UBE2E2: variants seen among roughly 807,000 people sequenced by gnomAD.
The protein encoded by UBE2E2 is ubiquitin conjugating enzyme E2 E2.
A neutral mutation model predicts 24.7 loss-of-function variants in UBE2E2; 6 were observed. The ratio of observed to expected loss-of-function variants is 0.24; its 90% CI spans 0.13 to 0.48. The LOEUF is 0.48. Among genes scored for constraint, UBE2E2 ranks in the 20% least tolerant of loss-of-function variants. The pLI is 0.99. For synonymous variants in UBE2E2, 104 were observed against 83.6 expected (o/e 1.24, Z -1.33); for missense variants, 169 against 245.0 (o/e 0.69, Z 2.07).
intron 3 of UBE2E2, among the ~76,000 whole-genome samples, chr3:23,414,090 A>G (rs1697563643): frequency 6.6e-6 from 1 of 152,174 alleles, no homozygotes; most frequent in African/African-American, 2.4e-5. Context: ...CAGGACCCAA[A>G]TGGTAGATTA....
intron 3 of UBE2E2, among the ~76,000 whole-genome samples, chr3:23,381,669 T>G (rs1453692010): frequency 6.6e-6 from 1 of 152,234 alleles, no homozygotes; most frequent in African/African-American, 2.4e-5. Flanking sequence ...TAAAAGATAC[T>G]GTATAACATT....
chr3:23,491,877 C>T (rs1254821335), intron 3 of UBE2E2, among the ~76,000 whole-genome samples: 3 of 152,044 alleles, frequency 2.0e-5, no homozygotes, highest in South Asian at 2.1e-4. Context: ...AGAGCTGATG[C>T]GGCCAATAAT....
At chr3:23,562,238 G>A (rs948318181) in intron 5 of UBE2E2, among the ~76,000 whole-genome samples, 10 of 151,976 alleles carry the variant, frequency 6.6e-5, no homozygotes, top group African/African-American at 1.2e-4. Flanking sequence ...TTTGAGATAC[G>A]TCCCATCAAT....
intron 3 of UBE2E2, among the ~76,000 whole-genome samples, chr3:23,493,195 C>G (rs1273751562): frequency 6.6e-6 from 1 of 152,160 alleles, no homozygotes; most frequent in East Asian, 1.9e-4. Context: ...CAGCCAAAAA[C>G]TCTTGGTCTT....
chr3:23,492,811 T>C (rs1224129416), intron 3 of UBE2E2, among the ~76,000 whole-genome samples: 3 of 152,164 alleles, frequency 2.0e-5, no homozygotes, highest in East Asian at 3.8e-4. Flanking sequence ...CTTTGATTCA[T>C]GATGTAGAAA....
At position 23,507,689 on chromosome 3, in the gene UBE2E2, T is replaced by C. The variant is rs138292596; in HGVS notation, c.360+7949T>C. ...ATAGAGAAGGTTGAGGTTGCTTATA[T>C]CCCTGGAAGAAGGAATACTTGTTCC... On this transcript the variant is annotated intron_variant, in intron 4 of 5. Coordinates refer to ENST00000396703, the MANE Select transcript of UBE2E2 (RefSeq NM_152653.4). Among the ~76,000 whole-genome samples, 233 of 152,306 alleles carry C rather than the reference T, an allele frequency of 1.5e-3. 6 individuals are homozygous for C. The East Asian group carries it at 0.024, about 16-fold the overall frequency.
At chr3:23,480,351 A>G (rs1414907546) in intron 3 of UBE2E2, among the ~76,000 whole-genome samples, 1 of 152,230 alleles carries the variant, frequency 6.6e-6, no homozygotes, top group African/African-American at 2.4e-5. Flanking sequence ...GGGAACAGGT[A>G]CTTTGAAGCC....
chr3:23,460,337 A>G (rs368753476), intron 3 of UBE2E2, among the ~76,000 whole-genome samples: 8 of 152,228 alleles, frequency 5.3e-5, no homozygotes, highest in Admixed American at 6.5e-5. Context: ...CTTTTTGCCT[A>G]CCATACAGAA....
chr3:23,459,769 T>G lies in UBE2E2; in HGVS notation c.228-39839T>G, dbSNP rs549644019. Among the ~76,000 whole-genome samples the G allele has an allele frequency of 2.0e-5, 3 of 152,298 alleles. No homozygotes were observed. The South Asian group carries it at 6.2e-4, about 32-fold the overall frequency. The stretch of plus-strand genomic sequence containing the variant: ...AGAGAGCTATTTTGCCTGTCTTAAT[T>G]GCATATTCCTTAGAATTTCTGTGAT... On this transcript the variant is annotated intron_variant, in intron 3 of 5. Coordinates refer to ENST00000396703, the MANE Select transcript of UBE2E2 (RefSeq NM_152653.4).
At chr3:23,457,512 T>G (rs987659686) in intron 3 of UBE2E2, among the ~76,000 whole-genome samples, 2 of 152,212 alleles carry the variant, frequency 1.3e-5, no homozygotes, top group Admixed American at 6.5e-5. Flanking sequence ...CAGCTGCTGC[T>G]GCTTCATCTT....
intron 3 of UBE2E2, among the ~76,000 whole-genome samples, chr3:23,307,807 T>A (rs1699278198): frequency 6.6e-6 from 1 of 152,204 alleles, no homozygotes; most frequent in Admixed American, 6.5e-5. Flanking sequence ...CCTATTTTTA[T>A]TTACTTAATG....
At chr3:23,421,500 G>C (rs1031492862) in intron 3 of UBE2E2, among the ~76,000 whole-genome samples, 3 of 152,194 alleles carry the variant, frequency 2.0e-5, no homozygotes, top group Non-Finnish European at 4.4e-5. Flanking sequence ...TCTGCCTCCA[G>C]GGTGCAAACA....
chr3:23,441,786 A>T (rs1276429339), intron 3 of UBE2E2, among the ~76,000 whole-genome samples: 1 of 152,144 alleles, frequency 6.6e-6, no homozygotes, highest in Non-Finnish European at 1.5e-5. Flanking sequence ...ACTTTAGGTG[A>T]TATTATGAGC....
intron 4 of UBE2E2, among the ~76,000 whole-genome samples, chr3:23,500,635 G>A (rs1699701155): frequency 6.6e-6 from 1 of 152,194 alleles, no homozygotes; most frequent in Non-Finnish European, 1.5e-5. Flanking sequence ...GTGGGTTGGA[G>A]TAAACAATAT....
intron 3 of UBE2E2, among the ~76,000 whole-genome samples, chr3:23,281,596 C>T (rs1215401713): frequency 6.6e-6 from 1 of 152,160 alleles, no homozygotes; most frequent in Non-Finnish European, 1.5e-5. Context: ...TGTGATGGCA[C>T]CACTGCATTC....
chr3:23,225,023 G>A lies in UBE2E2; in HGVS notation c.227+7711G>A, dbSNP rs149888992. On this transcript the variant is annotated intron_variant, in intron 3 of 5. Transcript: ENST00000396703. Reference sequence around the variant, plus strand: ...TGAAGTGGTATTTTGTTGTGGTATTGATTTGCATTATTCTGATGGATGATG... The same window carrying A: ...TGAAGTGGTATTTTGTTGTGGTATTAATTTGCATTATTCTGATGGATGATG... 5.0e-3 allele frequency among the ~76,000 whole-genome samples: 745 copies of A among 150,054 alleles called. 10 individuals carry two copies. The highest frequency in any genetic ancestry group is 3.9e-3 in the Non-Finnish European group (262 of 67,324).
chr3:23,216,856 G>A lies in UBE2E2; in HGVS notation c.177-406G>A, dbSNP rs192542248. 1.6e-3 allele frequency among the ~76,000 whole-genome samples: 239 copies of A among 152,240 alleles called. 2 individuals are homozygous for A. Among genetic ancestry groups the A allele is most frequent in the Non-Finnish European group, 4.0e-4 (27 of 68,006 alleles). ...GTTTCAGGTGTTGGAATGAGATCCC[G>A]AATCATTTGATTCTATCAGTCATGA... On this transcript the variant is annotated intron_variant, in intron 2 of 5. Transcript: ENST00000396703.
chr3:23,292,733 TA>T (rs1487802281), intron 3 of UBE2E2, among the ~76,000 whole-genome samples: 1 of 152,250 alleles, frequency 6.6e-6, no homozygotes, highest in Non-Finnish European at 1.5e-5. Context: ...ACATATCTTT[TA>T]CAAGGTTATG....
chr3:23,311,112 G>GT (rs1260430853), intron 3 of UBE2E2, among the ~76,000 whole-genome samples: 1 of 152,092 alleles, frequency 6.6e-6, no homozygotes, highest in Non-Finnish European at 1.5e-5. Flanking sequence ...GCGGTGTTTG[G>GT]TTTTTTGTCC....
Sources: allele counts gnomAD v4.1 joint callset (sites outside exome capture counted in the v4.1 genomes callset), GRCh38; gene constraint gnomAD v4.1.1; transcripts MANE v1.5; gene names NCBI Gene and HGNC (gene_info 2026-07-23, HGNC 2026-07-21).